The following ADAM23 variants were observed in gnomAD, a reference collection of about 807,000 sequenced individuals.
ADAM23 encodes the protein disintegrin and metalloproteinase domain-containing protein 23.
Under a neutral mutation model 120.1 loss-of-function variants are expected in ADAM23, and 33 were observed. The ratio of observed to expected loss-of-function variants is 0.27; its 90% CI spans 0.21 to 0.37. ADAM23 has a LOEUF of 0.37. Among genes scored for constraint, ADAM23 ranks in the 10% least tolerant of loss-of-function variants. The pLI is 1.00. For synonymous variants in ADAM23, 367 were observed against 375.2 expected (o/e 0.98, Z 0.25); for missense variants, 862 against 1,058.2 (o/e 0.81, Z 2.57).
intron 3 of ADAM23, among the ~76,000 whole-genome samples, chr2:206,496,021 A>G (rs976095173): frequency 1.3e-5 from 2 of 152,186 alleles, no homozygotes; most frequent in Non-Finnish European, 2.9e-5. Flanking sequence ...GTGACCTACA[A>G]AGAGACTTAG....
At chr2:206,508,091 G>A (rs1283173115) in intron 3 of ADAM23, among the ~76,000 whole-genome samples, 2 of 151,982 alleles carry the variant, frequency 1.3e-5, no homozygotes, top group African/African-American at 4.8e-5. Context: ...GTGCAGTGGC[G>A]CAATCTCGGC....
chr2:206,574,748 A>G (rs954846627), intron 18 of ADAM23, among the ~76,000 whole-genome samples: 5 of 152,110 alleles, frequency 3.3e-5, no homozygotes, highest in Non-Finnish European at 4.4e-5. Context: ...TTCATGGCCT[A>G]TGTGGTTTGG....
intron 16 of ADAM23, 145 bp from the exon 17 acceptor site, chr2:206,571,582 G>C (rs1574541044): frequency 1.7e-6 from 1 of 582,966 alleles, no homozygotes; most frequent in African/African-American, 1.8e-5. Context: ...ATCTATCCTT[G>C]TTTAAAGTAA....
chr2:206,447,887 A>G (rs976373693), intron 2 of ADAM23, among the ~76,000 whole-genome samples: 2 of 152,214 alleles, frequency 1.3e-5, no homozygotes, highest in African/African-American at 4.8e-5. Context: ...TCCCAAATAT[A>G]GGTTGCAAGG....
intron 3 of ADAM23, among the ~76,000 whole-genome samples, chr2:206,526,793 G>C (rs1168521900): frequency 6.6e-6 from 1 of 152,184 alleles, no homozygotes; most frequent in African/African-American, 2.4e-5. Context: ...CTGATTCTTG[G>C]CTCATTTGTC....
chr2:206,501,409 C>G (rs1188666133), intron 3 of ADAM23, among the ~76,000 whole-genome samples: 1 of 151,972 alleles, frequency 6.6e-6, no homozygotes, highest in Non-Finnish European at 1.5e-5. Flanking sequence ...AAGCAACTCA[C>G]TCATGGAGAC....
At chr2:206,468,786 T>A (rs911681230) in intron 2 of ADAM23, among the ~76,000 whole-genome samples, 1 of 152,200 alleles carries the variant, frequency 6.6e-6, no homozygotes, top group South Asian at 2.1e-4. Flanking sequence ...TACCTGAGAC[T>A]GTTAATTGAT....
At chr2:206,491,478 G>T (rs1696133798) in intron 3 of ADAM23, among the ~76,000 whole-genome samples, 1 of 152,146 alleles carries the variant, frequency 6.6e-6, no homozygotes, top group Non-Finnish European at 1.5e-5. Flanking sequence ...TTCTTGACTG[G>T]TGGATAAAAG....
chr2:206,487,565 A>G (rs1696040392), intron 3 of ADAM23, among the ~76,000 whole-genome samples: 1 of 152,138 alleles, frequency 6.6e-6, no homozygotes, highest in African/African-American at 2.4e-5. Context: ...ACATGACACG[A>G]CTTGCAGGCT....
intron 13 of ADAM23, among the ~76,000 whole-genome samples, chr2:206,564,804 C>A (rs1348278919): frequency 2.0e-5 from 3 of 152,162 alleles, no homozygotes; most frequent in Non-Finnish European, 4.4e-5. Flanking sequence ...TACTTCTTGC[C>A]AGCTGTTTTC....
chr2:206,559,977 C>G lies in ADAM23; in HGVS notation c.1028C>G (p.Thr343Ser). 6.2e-7 allele frequency: 1 copy of G among 1,613,866 alleles called. No individual in the cohort carries two copies. The highest frequency in any genetic ancestry group is 8.5e-7 in the Non-Finnish European group (1 of 1,179,880). The change falls in exon 11 of 26, where the codon ACC becomes AGC. Residue 343 changes from threonine (T) to serine (S), a missense_variant. Physicochemically the swap from Thr to Ser is moderately conservative, Grantham distance 58. Around this residue, in one of 4 missense-constraint regions of ADAM23, gnomAD observed 617 missense variants for 813.5 expected, o/e 0.76. Transcript: ENST00000264377. The part of the protein sequence containing the change: ...VDSIYKEQLN[T>S]RVVLVAVETW... ...CAGATTTACAAGGAGCAGCTCAACA[C>G]CAGGGTTGTCCTGGTGGCTGTAGAG... is the stretch of plus-strand genomic sequence containing the variant.
At chr2:206,552,121 A>G (rs1369026057) in intron 9 of ADAM23, among the ~76,000 whole-genome samples, 1 of 152,176 alleles carries the variant, frequency 6.6e-6, no homozygotes, top group East Asian at 1.9e-4. Context: ...TTGTGAAATT[A>G]TGGCTTTTGA....
intron 2 of ADAM23, among the ~76,000 whole-genome samples, chr2:206,459,745 G>A (rs998278152): frequency 2.6e-5 from 4 of 152,068 alleles, no homozygotes; most frequent in South Asian, 4.1e-4. Context: ...ACCCTAGCCC[G>A]TCCCTCCCAA....
intron 8 of ADAM23, among the ~76,000 whole-genome samples, chr2:206,549,341 C>T (rs1697464941): frequency 6.6e-6 from 1 of 151,614 alleles, no homozygotes; most frequent in Admixed American, 6.6e-5. Context: ...ATATGTTTTA[C>T]AATGGCTGCT....
intron 24 of ADAM23, among the ~76,000 whole-genome samples, chr2:206,602,157 C>CTAATTA (rs1180793918): frequency 5.9e-5 from 9 of 152,050 alleles, no homozygotes; most frequent in African/African-American, 1.7e-4. Context: ...TATGTGCTAC[C>CTAATTA]TGGATATTTT....
At chr2:206,571,672 A>G in intron 16 of ADAM23, 55 bp from the exon 17 acceptor site, 1 of 1,301,712 alleles carries the variant, frequency 7.7e-7, no homozygotes, top group East Asian at 2.3e-5. Flanking sequence ...TGGAGAGAAT[A>G]TGAATGACCA....
At chr2:206,467,680 C>T (rs1200453393) in intron 2 of ADAM23, among the ~76,000 whole-genome samples, 1 of 152,204 alleles carries the variant, frequency 6.6e-6, no homozygotes, top group Non-Finnish European at 1.5e-5. Flanking sequence ...GTGACCCCTT[C>T]TCACAGCTCA....
At position 206,570,771 on chromosome 2, in the gene ADAM23, A is replaced by T; in HGVS notation, c.1526A>T (p.Tyr509Phe). The T allele has an allele frequency of 6.2e-7, 1 of 1,613,988 alleles. No individual in the cohort carries two copies. The highest frequency in any genetic ancestry group is 8.5e-7 in the Non-Finnish European group (1 of 1,179,854). The change falls in exon 16 of 26, where the codon TAC becomes TTC. Residue 509 changes from tyrosine (Y) to phenylalanine (F), a missense_variant. By Grantham distance (22) the Tyr-to-Phe change is conservative. Around this residue, in one of 4 missense-constraint regions of ADAM23, gnomAD observed 617 missense variants for 813.5 expected, o/e 0.76. Coordinates refer to ENST00000264377, the MANE Select transcript of ADAM23 (RefSeq NM_003812.4). ...LFEPTECGNG[Y>F]VEAGEECDCG... ...GAGCCCACGGAATGTGGAAATGGAT[A>T]CGTGGAAGCTGGGGAGGAGTGTGAT...
intron 2 of ADAM23, among the ~76,000 whole-genome samples, chr2:206,460,677 A>G (rs1695399380): frequency 6.6e-6 from 1 of 152,166 alleles, no homozygotes; most frequent in African/African-American, 2.4e-5. Flanking sequence ...ATTTTCTCCC[A>G]TTCTATGGGT....
Sources: gnomAD v4.1 joint callset for allele counts (sites outside exome capture counted in the v4.1 genomes callset) on GRCh38, gnomAD v4.1.1 for gene constraint, gnomAD v4.1.1 regional missense constraint, MANE v1.5 for transcripts, NCBI Gene and HGNC (gene_info 2026-07-23, HGNC 2026-07-21) for gene names.